ZNFX1: variants seen among roughly 807,000 people sequenced by gnomAD.
ZNFX1 encodes NFX1-type zinc finger-containing protein 1.
ZNFX1 carries 78 observed loss-of-function variants against 179.8 expected under a neutral mutation model. The observed-to-expected ratio is 0.43, with a 90% confidence interval of 0.36 to 0.52. The LOEUF is 0.52. Among genes scored for constraint, ZNFX1 ranks in the 20% least tolerant of loss-of-function variants. The pLI, the probability that ZNFX1 is intolerant of heterozygous loss-of-function variation, is 0.00. For missense variants in ZNFX1, 1,927 were observed against 2,386.6 expected (o/e 0.81, Z 4.01); for synonymous variants, 848 against 868.5 (o/e 0.98, Z 0.42).
chr20:49,275,932 C>T, intron 1 of ZNFX1, 45 bp from the exon 2 acceptor site: 1 of 1,305,528 alleles, frequency 7.7e-7, no homozygotes, highest in Non-Finnish European at 1.1e-6. Context: ...TAGCATCTAG[C>T]AGCAAAAACC....
intron 1 of ZNFX1, among the ~76,000 whole-genome samples, chr20:49,277,415 G>C (rs1486543667): frequency 6.6e-6 from 1 of 151,018 alleles, no homozygotes; most frequent in East Asian, 2.0e-4. Context: ...AGGCGGCGGG[G>C]TGGGGGCAGG....
chr20:49,267,315 A>C (rs180755124), intron 3 of ZNFX1, among the ~76,000 whole-genome samples: 1 of 152,058 alleles, frequency 6.6e-6, no homozygotes, highest in East Asian at 1.9e-4. Flanking sequence ...ATAAGTAACA[A>C]TTTCTTCCTT....
intron 13 of ZNFX1, among the ~76,000 whole-genome samples, chr20:49,250,641 TC>T (rs1474389687): frequency 6.6e-6 from 1 of 152,184 alleles, no homozygotes; most frequent in Non-Finnish European, 1.5e-5. Context: ...AACCTCCACT[TC>T]CCAGGTTCAA....
chr20:49,274,511 A>ACGCTCCAC (rs1981502797), intron 2 of ZNFX1, among the ~76,000 whole-genome samples: 1 of 152,222 alleles, frequency 6.6e-6, no homozygotes, highest in South Asian at 2.1e-4. Flanking sequence ...TAATGCTAGC[A>ACGCTCCAC]CTTTGGGAGG....
chr20:49,265,593 T>C (rs1310817905), intron 4 of ZNFX1, among the ~76,000 whole-genome samples: 1 of 152,182 alleles, frequency 6.6e-6, no homozygotes, highest in African/African-American at 2.4e-5. Flanking sequence ...AGGAAAAGCA[T>C]ATATTTATTC....
In ZNFX1 at chr20:49,255,835, T is replaced by G. The variant is rs1227151250; in HGVS notation, c.2777A>C (p.Asp926Ala). ...ATAAAGCTGCCAGCGAGAACTGAGGTCCAGCTGCCAAACATCCTCGATCTC... is the reference window on the plus strand; with the variant it reads ...ATAAAGCTGCCAGCGAGAACTGAGGGCCAGCTGCCAAACATCCTCGATCTC... Reference protein sequence around the residue: ...ANEIEDVWQLDLSSRWQLYRL... With the variant: ...ANEIEDVWQLALSSRWQLYRL... Residue 926 changes from aspartate to alanine, a missense_variant, in exon 9 of 14, where the codon GAC becomes GCC. Physicochemically the swap from Asp to Ala is moderately radical, Grantham distance 126. Coordinates refer to ENST00000396105, the MANE Select transcript of ZNFX1 (RefSeq NM_021035.3). 3 of 1,613,846 alleles carry G rather than the reference T, an allele frequency of 1.9e-6. No homozygotes were observed. The East Asian group carries it at 6.7e-5, about 36-fold the overall frequency.
At chr20:49,257,294 T>C in intron 8 of ZNFX1, 123 bp downstream of exon 8, 1 of 1,344,832 alleles carries the variant, frequency 7.4e-7, no homozygotes, top group South Asian at 1.4e-5. Flanking sequence ...ATACCAGGGG[T>C]AGGCTGTAAT....
Position 49,265,999 on chromosome 20 carries a change from G to T in ZNFX1, c.2002+136C>A, listed in dbSNP as rs1981224197. The T allele has an allele frequency of 1.8e-5, 17 of 944,518 alleles. No individual in the cohort carries two copies. The South Asian group carries it at 2.3e-4, about 13-fold the overall frequency. The allele number at this position is 944,518 out of a possible 1,614,324, so 58.5% of individuals were successfully genotyped here. On this transcript the variant is annotated intron_variant, in intron 4 of 13. Coordinates refer to ENST00000396105, the MANE Select transcript of ZNFX1 (RefSeq NM_021035.3). ...GAGCTGTGGTTCACAGTCCAGCTGGGACAGATCACAAACGGCCATGTAAGT... is the reference window on the plus strand; with the variant it reads ...GAGCTGTGGTTCACAGTCCAGCTGGTACAGATCACAAACGGCCATGTAAGT...
chr20:49,254,183 C>T (rs1430223497), intron 10 of ZNFX1, among the ~76,000 whole-genome samples: 2 of 152,172 alleles, frequency 1.3e-5, no homozygotes, highest in African/African-American at 2.4e-5. Context: ...CCCACCACTA[C>T]ACCCAGCTAA....
chr20:49,250,663 C>A (rs577751692), intron 13 of ZNFX1, among the ~76,000 whole-genome samples: 2 of 152,064 alleles, frequency 1.3e-5, no homozygotes, highest in East Asian at 3.9e-4. Context: ...GCGATCCTCT[C>A]GCCTCAGCCT....
intron 7 of ZNFX1, among the ~76,000 whole-genome samples, chr20:49,258,437 T>C (rs1981027388): frequency 6.6e-6 from 1 of 152,136 alleles, no homozygotes; most frequent in Admixed American, 6.6e-5. Context: ...AGAGGAGAGT[T>C]AGGAAAGGCT....
rs1366316291 is a variant in ZNFX1, at chr20:49,270,459, C to T, written c.1353G>A (p.Gly451=). 6.2e-7 allele frequency: 1 copy of T among 1,614,190 alleles called. No individual in the cohort carries two copies. Among genetic ancestry groups the T allele is most frequent in the Admixed American group, 1.7e-5 (1 of 60,014 alleles). Residue 451 remains glycine, a synonymous_variant, in exon 3 of 14, where the codon GGG becomes GGA. Coordinates refer to ENST00000396105, the MANE Select transcript of ZNFX1 (RefSeq NM_021035.3). This position sits in a 1 kb window ranked among gnomAD's most constrained non-coding sequence, Gnocchi z 4.6. ...TGTCCTTGGACATGCATACCAAAGA[C>T]CCATAGAGCAATCGTTTGGAATTCT... is the stretch of plus-strand genomic sequence containing the variant. ...RWQNSKRLLY[G]SLVCMSKDNF...
intron 7 of ZNFX1, 95 bp downstream of exon 7, chr20:49,260,368 T>C (rs1243144605): frequency 1.3e-6 from 1 of 748,334 alleles, no homozygotes; most frequent in African/African-American, 1.8e-5. Context: ...TCATAGCTCT[T>C]TATTTATTCT....
chr20:49,269,726 T>A (rs1392673138), intron 3 of ZNFX1, among the ~76,000 whole-genome samples: 1 of 151,980 alleles, frequency 6.6e-6, no homozygotes, highest in Non-Finnish European at 1.5e-5. Flanking sequence ...GGTACTATGC[T>A]CATTACCTGG....
At chr20:49,254,193 A>AT (rs1173531958) in intron 10 of ZNFX1, among the ~76,000 whole-genome samples, 1 of 151,916 alleles carries the variant, frequency 6.6e-6, no homozygotes, top group African/African-American at 2.4e-5. Flanking sequence ...CACCCAGCTA[A>AT]TTTTTGTATT....
At position 49,249,691 on chromosome 20, in the gene ZNFX1, G is replaced by A; in HGVS notation, c.3333C>T (p.Phe1111=). The part of the protein sequence containing the change: ...EKIKGVSSNL[F]FVEHNFPEQE... ...GTTCAGGAAAGTTGTGTTCTACAAA[G>A]AAAAGGTTGGAAGACACCCCCTGAC... Residue 1111 remains phenylalanine (F), a synonymous_variant, in exon 14 of 14, where the codon TTC becomes TTT. Transcript: ENST00000396105. 6.2e-7 allele frequency: 1 copy of A among 1,612,426 alleles called. No individual in the cohort carries two copies. Among genetic ancestry groups the A allele is most frequent in the East Asian group, 2.2e-5 (1 of 44,844 alleles).
intron 7 of ZNFX1, 112 bp downstream of exon 7, chr20:49,260,351 G>T: frequency 8.8e-6 from 5 of 566,482 alleles, no homozygotes; most frequent in South Asian, 3.2e-5. Flanking sequence ...GTCTTTCTCT[G>T]ATTGACTCAT....
intron 6 of ZNFX1, among the ~76,000 whole-genome samples, chr20:49,261,485 A>G (rs552801445): frequency 6.6e-6 from 1 of 152,134 alleles, no homozygotes; most frequent in Non-Finnish European, 1.5e-5. Context: ...GCATGTTCTC[A>G]CTTATAAGTT....
At chr20:49,273,815 A>C (rs1015956450) in intron 2 of ZNFX1, among the ~76,000 whole-genome samples, 1 of 152,172 alleles carries the variant, frequency 6.6e-6, no homozygotes, top group African/African-American at 2.4e-5. Flanking sequence ...TTGTGGTCCC[A>C]GCTACTTGGG....
Sources: gnomAD v4.1 joint callset for allele counts (sites outside exome capture counted in the v4.1 genomes callset) on GRCh38, gnomAD v4.1.1 for gene constraint, Gnocchi (gnomAD v3.1) non-coding constraint, MANE v1.5 for transcripts, NCBI Gene and HGNC (gene_info 2026-07-23, HGNC 2026-07-21) for gene names.